The following ORC6 variants were observed in gnomAD, a reference collection of about 807,000 sequenced individuals.
ORC6 encodes origin recognition complex subunit 6.
ORC6 carries 31 observed loss-of-function variants against 30.0 expected under a neutral mutation model. The ratio of observed to expected loss-of-function variants is 1.03; its 90% CI spans 0.78 to 1.40. The LOEUF is 1.40. Among genes scored for constraint, ORC6 ranks in the 40% most tolerant of loss-of-function variants. The pLI is 0.00. For synonymous variants in ORC6, 136 were observed against 111.2 expected (o/e 1.22, Z -1.40); for missense variants, 340 against 304.3 (o/e 1.12, Z -0.87).
Position 46,689,786 on chromosome 16 carries a change from C to T in ORC6, c.65+16C>T, listed in dbSNP as rs776322783. 4.4e-6 allele frequency: 7 copies of T among 1,582,586 alleles called. No homozygotes were observed. Among genetic ancestry groups the T allele is most frequent in the Non-Finnish European group, 6.0e-6 (7 of 1,166,578 alleles). ...ACATGCTGAGGTGAGTTCGGCCGCG[C>T]AAGACCAGGGCTGGGCTTCCGCCTC... On this transcript the variant is annotated intron_variant, in intron 1 of 6. Coordinates refer to ENST00000219097, the MANE Select transcript of ORC6 (RefSeq NM_014321.4).
intron 4 of ORC6, chr16:46,693,516 G>A (rs954024162): frequency 5.5e-6 from 2 of 362,736 alleles, no homozygotes; most frequent in African/African-American, 2.1e-5. Context: ...AAAAGTACTG[G>A]TTGGGCCAGG....
chr16:46,689,978 G>T, intron 1 of ORC6: 1 of 662,772 alleles, frequency 1.5e-6, no homozygotes, highest in South Asian at 2.0e-5. Flanking sequence ...AACGGCGATG[G>T]CACACGTCCC....
In ORC6 at chr16:46,698,175, A is replaced by AGATG. The variant is rs767800515; in HGVS notation, c.*593_*594insGGAT. 98 of 434,792 alleles carry AGATG rather than the reference A, an allele frequency of 2.3e-4. No homozygotes were observed. The highest frequency in any genetic ancestry group is 8.1e-4 in the African/African-American group (38 of 47,142). 26.9% of individuals were successfully genotyped at this position (434,792 alleles called of 1,614,324 possible). On this transcript the variant is annotated 3_prime_UTR_variant, in exon 7 of 7. Transcript: ENST00000219097. The stretch of plus-strand genomic sequence containing the variant: ...GAGCGAGACTTATAGATAGATAGAT[A>AGATG]GATAGATGGATAGATAGATAGATAG...
chr16:46,695,126 T>C (rs927688180), intron 4 of ORC6: 2 of 212,390 alleles, frequency 9.4e-6, no homozygotes, highest in Admixed American at 1.1e-4. Flanking sequence ...AGAAAAAGTT[T>C]ATTTTGTGTT....
At chr16:46,696,158 G>C in intron 6 of ORC6, 73 bp downstream of exon 6, 1 of 1,051,310 alleles carries the variant, frequency 9.5e-7, no homozygotes, top group South Asian at 1.3e-5. Context: ...CTAGCAGCTT[G>C]CCTGACAGGA....
chr16:46,697,424 A>G, intron 6 of ORC6, 34 bp from the exon 7 acceptor site: 1 of 1,589,062 alleles, frequency 6.3e-7, no homozygotes, highest in South Asian at 1.1e-5. Flanking sequence ...CTAAGCTAAG[A>G]ATTTTGAAAT....
Position 46,695,605 on chromosome 16 carries a change from T to C in ORC6, c.493T>C (p.Ser165Pro). ...GGATAAAAACAAAATGGTAGCCACA[T>C]CCGGTGTAAAAAAAGCTATATTTGA... Reference protein sequence around the residue: ...KVDKNKMVATSGVKKAIFDRL... With the variant: ...KVDKNKMVATPGVKKAIFDRL... The change falls in exon 5 of 7, where the codon TCC becomes CCC. Residue 165 changes from serine (S) to proline (P), a missense_variant. Transcript: ENST00000219097. The C allele has an allele frequency of 6.2e-7, 1 of 1,613,866 alleles. No individual in the cohort carries two copies. Among genetic ancestry groups the C allele is most frequent in the Non-Finnish European group, 8.5e-7 (1 of 1,179,768 alleles).
rs758918237 is a variant in ORC6, at chr16:46,693,075, CA to C, written c.360-16del. The C allele has an allele frequency of 2.0e-6, 3 of 1,496,138 alleles. No individual in the cohort carries two copies. In the East Asian group the frequency reaches 6.8e-5, roughly 34 times the overall value. 92.7% of individuals were successfully genotyped at this position (1,496,138 alleles called of 1,614,324 possible). A position where few individuals can be genotyped will look rare whatever the true frequency, so the allele number is the denominator to read the frequency against. On this transcript the variant is annotated splice_polypyrimidine_tract_variant and intron_variant, in intron 3 of 6. Coordinates refer to ENST00000219097, the MANE Select transcript of ORC6 (RefSeq NM_014321.4). Reference sequence around the variant, plus strand: ...TAATATTTTCTAACAGATAATTCTGCAATAACTTCTCCTTTAGCTATGAGTC... The same window carrying C: ...TAATATTTTCTAACAGATAATTCTGCATAACTTCTCCTTTAGCTATGAGTC...
At chr16:46,692,648 T>A in intron 3 of ORC6, 103 bp downstream of exon 3, 2 of 985,076 alleles carry the variant, frequency 2.0e-6, no homozygotes, top group East Asian at 2.5e-5. Flanking sequence ...GTTGGGTGGA[T>A]CATGTGGTCA....
At chr16:46,693,400 G>A in intron 4 of ORC6, 1 of 593,462 alleles carries the variant, frequency 1.7e-6, no homozygotes, top group South Asian at 2.0e-5. Context: ...GCAAATAGCA[G>A]CTGTATATAT....
intron 2 of ORC6, among the ~76,000 whole-genome samples, chr16:46,691,524 C>T (rs1031623081): frequency 1.3e-5 from 2 of 152,166 alleles, no homozygotes; most frequent in Non-Finnish European, 2.9e-5. Context: ...CTCCAGTGTC[C>T]TCATCCATAA....
At position 46,698,164 on chromosome 16, in the gene ORC6, G is replaced by A. The variant is rs763380467; in HGVS notation, c.*579G>A. The A allele has an allele frequency of 9.3e-6, 4 of 431,230 alleles. No individual in the cohort carries two copies. Among genetic ancestry groups the A allele is most frequent in the African/African-American group, 6.7e-5 (3 of 44,996 alleles). The allele number at this position is 431,230 out of a possible 1,614,324, so 26.7% of individuals were successfully genotyped here. ...CCTGGGTGACAGAGCGAGACTTATA[G>A]ATAGATAGATAGATAGATGGATAGA... is the stretch of plus-strand genomic sequence containing the variant. On this transcript the variant is annotated 3_prime_UTR_variant, in exon 7 of 7. Coordinates refer to ENST00000219097, the MANE Select transcript of ORC6 (RefSeq NM_014321.4).
rs1243757569 is a variant in ORC6, at chr16:46,697,833, G to A, written c.*248G>A. 3 of 574,776 alleles carry A rather than the reference G, an allele frequency of 5.2e-6. No homozygotes were observed. The highest frequency in any genetic ancestry group is 4.6e-5 in the South Asian group (3 of 65,576). The allele number at this position is 574,776 out of a possible 1,614,324, so 35.6% of individuals were successfully genotyped here. A position where few individuals can be genotyped will look rare whatever the true frequency, so the allele number is the denominator to read the frequency against. The stretch of plus-strand genomic sequence containing the variant: ...TGCTTTCCTACAAAATGGAATTGGA[G>A]GCCGGGCGCAGTGGCTCACGCCTGT... On this transcript the variant is annotated 3_prime_UTR_variant, in exon 7 of 7. Coordinates refer to ENST00000219097, the MANE Select transcript of ORC6 (RefSeq NM_014321.4).
At chr16:46,693,857 T>TTTTTAATTTA (rs1966484111) in intron 4 of ORC6, 1 of 131,158 alleles carries the variant, frequency 7.6e-6, no homozygotes, top group African/African-American at 2.8e-5. Context: ...TTTTTATTTT[T>TTTTTAATTTA]TTTTTTTTAA....
rs779063188 is a variant in ORC6, at chr16:46,698,113, CATAA to C, written c.*536_*539del. ...CTGGGTGACAGAGCGAGACTTATCT[CATAA>C]ATAAATAGATAGATACTCCAGCCTG... is the stretch of plus-strand genomic sequence containing the variant. On this transcript the variant is annotated 3_prime_UTR_variant, in exon 7 of 7. Transcript: ENST00000219097. 4.6e-5 allele frequency: 20 copies of C among 432,740 alleles called. No homozygotes were observed. The highest frequency in any genetic ancestry group is 7.2e-5 in the East Asian group (1 of 13,936). 26.8% of individuals were successfully genotyped at this position (432,740 alleles called of 1,614,324 possible).
At position 46,697,661 on chromosome 16, in the gene ORC6, A is replaced by G; in HGVS notation, c.*76A>G. 6.8e-7 allele frequency: 1 copy of G among 1,479,424 alleles called. No individual in the cohort carries two copies. The highest frequency in any genetic ancestry group is 9.4e-7 in the Non-Finnish European group (1 of 1,058,214). 91.6% of individuals were successfully genotyped at this position (1,479,424 alleles called of 1,614,324 possible). On this transcript the variant is annotated 3_prime_UTR_variant, in exon 7 of 7. Coordinates refer to ENST00000219097, the MANE Select transcript of ORC6 (RefSeq NM_014321.4). Reference sequence around the variant, plus strand: ...TCCAGGAAGACTTGACGGCTTTGGGATTTTGTTTAAACTTTTATAATAAGG... The same window carrying G: ...TCCAGGAAGACTTGACGGCTTTGGGGTTTTGTTTAAACTTTTATAATAAGG...
At chr16:46,695,503 G>T (rs2143010988) in intron 4 of ORC6, 59 bp from the exon 5 acceptor site, 1 of 990,764 alleles carries the variant, frequency 1.0e-6, no homozygotes, top group South Asian at 1.3e-5. Context: ...TTATCTGGTT[G>T]CCCAGAGAAG....
intron 4 of ORC6, 154 bp from the exon 5 acceptor site, chr16:46,695,408 T>G: frequency 1.6e-6 from 1 of 641,310 alleles, no homozygotes; most frequent in South Asian, 1.8e-5. Context: ...ACTAAACAAC[T>G]TAGCATAGAT....
intron 2 of ORC6, among the ~76,000 whole-genome samples, chr16:46,691,979 C>CTCTCTCTCTCTCTG (rs1966449044): frequency 6.7e-6 from 1 of 150,362 alleles, no homozygotes; most frequent in East Asian, 1.9e-4. Context: ...CTCTCTCTCT[C>CTCTCTCTCTCTCTG]TCACCACCCC....
Sources: gnomAD v4.1 joint callset for allele counts (sites outside exome capture counted in the v4.1 genomes callset) on GRCh38, gnomAD v4.1.1 for gene constraint, MANE v1.5 for transcripts, NCBI Gene and HGNC (gene_info 2026-07-23, HGNC 2026-07-21) for gene names.